Variants in MACF1 observed in about 807,000 individuals in gnomAD.
MACF1 encodes microtubule actin crosslinking factor 1, also known as microtubule-actin cross-linking factor 1.
A neutral mutation model predicts 854.8 loss-of-function variants in MACF1; 193 were observed. That is an observed-to-expected ratio of 0.23 (90% CI 0.20 to 0.25). The LOEUF (loss-of-function observed/expected upper bound fraction) is 0.25. Among genes scored for constraint, MACF1 ranks in the 10% least tolerant of loss-of-function variants. The pLI, the probability that MACF1 is intolerant of heterozygous loss-of-function variation, is 1.00. For synonymous variants in MACF1, 3,185 were observed against 3,226.7 expected (o/e 0.99, Z 0.44); for missense variants, 7,722 against 8,929.1 (o/e 0.86, Z 5.45).
In MACF1 at chr1:39,084,227, C is replaced by T. The variant is rs1224437927; in HGVS notation, c.9C>T (p.Ser3=). The change falls in exon 2 of 94, where the codon TCC becomes TCT. Residue 3 remains serine, a synonymous_variant. Coordinates refer to the MACF1 transcript ENST00000361689. The surrounding 1 kb of genome is among the most constrained non-coding windows in gnomAD (Gnocchi z 5.2). Reference sequence around the variant, plus strand: ...CAGCCCCCGCCTGGGCCATGTCTTCCTCAGATGAAGAGACGCTCAGTGAGC... The same window carrying T: ...CAGCCCCCGCCTGGGCCATGTCTTCTTCAGATGAAGAGACGCTCAGTGAGC... 1.2e-6 allele frequency: 2 copies of T among 1,612,782 alleles called. No individual in the cohort carries two copies. The highest frequency in any genetic ancestry group is 1.1e-5 in the South Asian group (1 of 91,074).
chr1:39,378,301 A>G lies in MACF1; in HGVS notation c.13214-160A>G, dbSNP rs3736246. On this transcript the variant is annotated intron_variant, in intron 52 of 100. Transcript: ENST00000564288. ...CTTGAGTGACGTTTTGTTGCCTGGC[A>G]GCTAAAATAATTTGTCTCTTTCCAT... Among the ~76,000 whole-genome samples the G allele has an allele frequency of 5.4e-4, 82 of 152,336 alleles. 3 individuals carry two copies. In the East Asian group the frequency reaches 0.015, roughly 29 times the overall value.
chr1:39,320,506 G>A (rs1016166671), intron 31 of MACF1, among the ~76,000 whole-genome samples: 2 of 152,166 alleles, frequency 1.3e-5, no homozygotes, highest in African/African-American at 2.4e-5. Context: ...GAGAAAATGT[G>A]TACCTTAGAA....
chr1:39,198,431 T>TCA (rs1644349716), intron 2 of MACF1, among the ~76,000 whole-genome samples: 1 of 151,368 alleles, frequency 6.6e-6, no homozygotes, highest in African/African-American at 2.4e-5. Context: ...GGCGGGTGGA[T>TCA]CATGAGGTCA....
rs1557604826 is a variant in MACF1, at chr1:39,353,207, G to A, written c.11400G>A (p.Leu3800=). The A allele has an allele frequency of 1.9e-6, 3 of 1,607,018 alleles. No homozygotes were observed. The highest frequency in any genetic ancestry group is 2.6e-6 in the Non-Finnish European group (3 of 1,174,132). ...GGGTGAATCAAGCCCCAGAGAAACT[G>A]GACAAGCAATGTGAGATGATGAAGG... ...YMGVNQAPEK[L]DKQCEMMKAR... is the part of the protein sequence containing the mutation. The change falls in exon 44 of 101, where the codon CTG becomes CTA. Residue 3800 remains leucine, a synonymous_variant. Transcript: ENST00000564288.
intron 21 of MACF1, among the ~76,000 whole-genome samples, chr1:39,298,116 C>A (rs1217336257): frequency 5.3e-5 from 8 of 150,804 alleles, no homozygotes; most frequent in South Asian, 2.1e-4. Flanking sequence ...ATATCAAATT[C>A]TTTTTTACTC....
intron 37 of MACF1, 70 bp downstream of exon 37, chr1:39,336,723 G>A (rs1328535510): frequency 2.1e-6 from 3 of 1,402,064 alleles, no homozygotes; most frequent in African/African-American, 2.9e-5. Flanking sequence ...TCTTAACTGG[G>A]TACAGAGTTT....
chr1:39,130,813 C>T (rs1335312483), intron 2 of MACF1, among the ~76,000 whole-genome samples: 1 of 151,808 alleles, frequency 6.6e-6, no homozygotes, highest in African/African-American at 2.4e-5. Flanking sequence ...GAATTCTAAG[C>T]CAACTTTTTT....
At chr1:39,369,917 A>G in intron 50 of MACF1, 113 bp from the exon 51 acceptor site, 1 of 950,172 alleles carries the variant, frequency 1.1e-6, no homozygotes, top group Non-Finnish European at 1.6e-6. Flanking sequence ...GATTATGAGA[A>G]AGAAAGGCCA....
Position 39,223,481 on chromosome 1 carries a change from A to G in MACF1, c.110-7701A>G, listed in dbSNP as rs567605768. 3.3e-5 allele frequency among the ~76,000 whole-genome samples: 5 copies of G among 152,124 alleles called. No homozygotes were observed. In the East Asian group the frequency reaches 9.7e-4, roughly 29 times the overall value. On this transcript the variant is annotated intron_variant, in intron 1 of 100. Coordinates refer to ENST00000564288, the MANE Select transcript of MACF1 (RefSeq NM_001394062.1). ...TAGAAAGAATAGATACAAGGTGCTT[A>G]GCACCTAAGTAGGTGCTGAATAAAT... is the stretch of plus-strand genomic sequence containing the variant.
rs1376838861 is a variant in MACF1 at position 39,123,709 on chromosome 1, C to CTTATTTTT, written c.220+39273_220+39274insATTTTTTT. On this transcript the variant is annotated intron_variant, in intron 2 of 93. Coordinates refer to the MACF1 transcript ENST00000361689. ...CTCGTGCCACCATGCCCGGCTAATT[C>CTTATTTTT]TTGTTTTGTTTTTTTTTTTTTTTTT... Among the ~76,000 whole-genome samples, 61 of 94,402 alleles carry CTTATTTTT rather than the reference C, an allele frequency of 6.5e-4. 2 individuals carry two copies. The highest frequency in any genetic ancestry group is 1.0e-3 in the East Asian group (3 of 2,982). The allele number at this position is 94,402 out of a possible 152,430, so 61.9% of individuals were successfully genotyped here.
chr1:39,239,869 A>T (rs1397269058), intron 2 of MACF1, among the ~76,000 whole-genome samples: 1 of 152,174 alleles, frequency 6.6e-6, no homozygotes, highest in Non-Finnish European at 1.5e-5. Flanking sequence ...AAGTTTTCAA[A>T]TTTTTAATAA....
chr1:39,112,186 A>G (rs1209434644), intron 2 of MACF1, among the ~76,000 whole-genome samples: 1 of 150,210 alleles, frequency 6.7e-6, no homozygotes, highest in Non-Finnish European at 1.5e-5. Flanking sequence ...CCCTGGGTTC[A>G]AGTGATTCTC....
At chr1:39,170,331 A>C (rs1167803233) in intron 2 of MACF1, among the ~76,000 whole-genome samples, 1 of 152,188 alleles carries the variant, frequency 6.6e-6, no homozygotes, top group African/African-American at 2.4e-5. Flanking sequence ...TGCCTAGCCA[A>C]GTTTAAATGC....
At chr1:39,375,454 A>G (rs1649641116) in intron 52 of MACF1, among the ~76,000 whole-genome samples, 1 of 152,086 alleles carries the variant, frequency 6.6e-6, no homozygotes, top group African/African-American at 2.4e-5. Flanking sequence ...GGCACCTGCC[A>G]CCACGCCTGG....
Position 39,147,652 on chromosome 1 carries a change from G to A in MACF1, c.220+63214G>A, listed in dbSNP as rs1276664571. ...CTCCTGCCTCACCCCTCATGTAGCT[G>A]GGCCTACAGGCACACACAACCAAGG... On this transcript the variant is annotated intron_variant, in intron 2 of 93. Transcript: ENST00000361689. Among the ~76,000 whole-genome samples, 8 of 151,944 alleles carry A rather than the reference G, an allele frequency of 5.3e-5. No homozygotes were observed. The East Asian group carries it at 1.5e-3, about 29-fold the overall frequency.
At chr1:39,187,725 T>A (rs1200453091) in intron 2 of MACF1, among the ~76,000 whole-genome samples, 1 of 151,934 alleles carries the variant, frequency 6.6e-6, no homozygotes, top group African/African-American at 2.4e-5. Flanking sequence ...TTATTTAAAA[T>A]TTTTTTGTAG....
chr1:39,190,908 G>A lies in MACF1; in HGVS notation c.221-40274G>A, dbSNP rs187758999. 6.6e-5 allele frequency among the ~76,000 whole-genome samples: 10 copies of A among 152,208 alleles called. No individual in the cohort carries two copies. In the East Asian group the frequency reaches 1.7e-3, roughly 27 times the overall value. ...CTTGGGAGGCTGAGGCACGAGAATCGCTTGAACCTGGGAGGTGGAGTTTGC... is the reference window on the plus strand; with the variant it reads ...CTTGGGAGGCTGAGGCACGAGAATCACTTGAACCTGGGAGGTGGAGTTTGC... On this transcript the variant is annotated intron_variant, in intron 2 of 93. Transcript: ENST00000361689.
Position 39,459,189 on chromosome 1 carries a change from G to A in MACF1, c.21300G>A (p.Val7100=), listed in dbSNP as rs749859918. The change falls in exon 91 of 101, where the codon GTG becomes GTA. Residue 7100 remains valine (V), a synonymous_variant. Transcript: ENST00000564288. ...INQLSARWQQ[V]WLLALERQRK... ...AGCTTTCTGCCCGCTGGCAGCAGGT[G>A]TGGCTGTTAGCACTGGAGCGGCAAA... The A allele has an allele frequency of 5.0e-6, 8 of 1,614,060 alleles. No homozygotes were observed. The Admixed American group carries it at 6.7e-5, about 13-fold the overall frequency.
intron 1 of MACF1, among the ~76,000 whole-genome samples, chr1:39,209,141 A>C (rs1311427904): frequency 6.6e-6 from 1 of 151,866 alleles, no homozygotes; most frequent in African/African-American, 2.4e-5. Context: ...AATCCCAGCT[A>C]CTGGGGAGGC....
Sources: allele counts gnomAD v4.1 joint callset (sites outside exome capture counted in the v4.1 genomes callset), GRCh38; gene constraint gnomAD v4.1.1; non-coding constraint Gnocchi (gnomAD v3.1); transcripts MANE v1.5; gene names NCBI Gene and HGNC (gene_info 2026-07-23, HGNC 2026-07-21).